Variants in RTP2 observed in about 807,000 individuals in gnomAD.
The protein encoded by RTP2 is receptor transporter protein 2.
RTP2 carries 12 observed loss-of-function variants against 17.9 expected under a neutral mutation model. The ratio of observed to expected loss-of-function variants is 0.67; its 90% CI spans 0.43 to 1.09. The LOEUF is 1.09. RTP2 is among the 50% of genes least tolerant of loss of function. The pLI, the probability that RTP2 is intolerant of heterozygous loss-of-function variation, is 0.00. For synonymous variants in RTP2, 126 were observed against 117.7 expected (o/e 1.07, Z -0.46); for missense variants, 327 against 295.7 (o/e 1.11, Z -0.78).
chr3:187,699,064 C>T (rs949933924), intron 1 of RTP2, 53 bp from the exon 2 acceptor site: 3 of 1,518,064 alleles, frequency 2.0e-6, no homozygotes, highest in South Asian at 2.6e-5. Context: ...GAGAAGCCTG[C>T]CCTGAGAAGC....
At chr3:187,714,072 C>A in the RTP2 span, among the ~76,000 whole-genome samples, 35 of 152,312 alleles carry the variant, frequency 2.3e-4, no homozygotes, top group African/African-American at 8.2e-4. Flanking sequence ...CTTAGGCTCT[C>A]CTCTCCGAAC....
chr3:187,705,343 C>A (rs953940394), upstream of RTP2, among the ~76,000 whole-genome samples: 2 of 152,082 alleles, frequency 1.3e-5, no homozygotes, highest in African/African-American at 2.4e-5. Context: ...GCTCAACACA[C>A]ACAAAAATAG....
chr3:187,714,683 G>T, the RTP2 span, among the ~76,000 whole-genome samples: 512 of 152,264 alleles, frequency 3.4e-3, 3 homozygotes, highest in African/African-American at 0.012. Flanking sequence ...CCTTTGCTCC[G>T]TCACTCAACA....
upstream of RTP2, among the ~76,000 whole-genome samples, chr3:187,702,717 C>G (rs1392611015): frequency 6.6e-6 from 1 of 152,218 alleles, no homozygotes; most frequent in Non-Finnish European, 1.5e-5. Context: ...TATGCAACCC[C>G]TAAGTGGCTC....
chr3:187,699,762 CACACACACACACACACACACATA>C (rs1717795876), intron 1 of RTP2, among the ~76,000 whole-genome samples: 1 of 69,090 alleles, frequency 1.4e-5, no homozygotes, highest in African/African-American at 5.9e-5. Flanking sequence ...CACACACACA[CACACACACACACACACACACATA>C]TATTTTCTCT....
chr3:187,704,527 TG>T (rs1717942220), upstream of RTP2, among the ~76,000 whole-genome samples: 1 of 152,166 alleles, frequency 6.6e-6, no homozygotes, highest in African/African-American at 2.4e-5. Flanking sequence ...TGATGGGATA[TG>T]TTGTCCCACA....
chr3:187,702,894 A>G (rs1248634025), upstream of RTP2, among the ~76,000 whole-genome samples: 2 of 152,218 alleles, frequency 1.3e-5, no homozygotes, highest in Non-Finnish European at 2.9e-5. Flanking sequence ...CATGCAAAGC[A>G]CAGTAATAAC....
At chr3:187,707,382 C>T (rs1718018903), upstream of RTP2, among the ~76,000 whole-genome samples, 1 of 152,146 alleles carries the variant, frequency 6.6e-6, no homozygotes, top group Non-Finnish European at 1.5e-5. Flanking sequence ...CATGCATTGT[C>T]ACAGCAGGTA....
the RTP2 span, among the ~76,000 whole-genome samples, chr3:187,708,830 G>T: frequency 6.6e-6 from 1 of 152,166 alleles, no homozygotes; most frequent in Non-Finnish European, 1.5e-5. Flanking sequence ...AGGAAACTGG[G>T]ACTCAGAAAG....
chr3:187,702,388 G>T (rs568615108), exon 1 of RTP2: 26 of 550,866 alleles, frequency 4.7e-5, no homozygotes, highest in East Asian at 4.7e-4. Flanking sequence ...CAGAGGCAGC[G>T]CTGGGTAGGC....
upstream of RTP2, among the ~76,000 whole-genome samples, chr3:187,704,526 A>G (rs1213298489): frequency 6.6e-6 from 1 of 152,182 alleles, no homozygotes; most frequent in Non-Finnish European, 1.5e-5. Flanking sequence ...CTGATGGGAT[A>G]TGTTGTCCCA....
At chr3:187,702,566 G>A (rs748635915), upstream of RTP2, 2 of 457,258 alleles carry the variant, frequency 4.4e-6, no homozygotes, top group Admixed American at 4.7e-5. Flanking sequence ...AGGAAGTCAA[G>A]GAGAAATGAG....
the RTP2 span, among the ~76,000 whole-genome samples, chr3:187,713,952 G>A: frequency 8.5e-5 from 13 of 152,172 alleles, no homozygotes; most frequent in African/African-American, 3.1e-4. Context: ...GTACCTTTTT[G>A]TTAATTCAAC....
chr3:187,704,563 A>C (rs1328751608), upstream of RTP2, among the ~76,000 whole-genome samples: 1 of 152,184 alleles, frequency 6.6e-6, no homozygotes. Flanking sequence ...AAAAATGAAA[A>C]ACAAAAAAAG....
exon 2 of RTP2, chr3:187,698,647 TCAC>T (rs1482174049): frequency 6.2e-7 from 1 of 1,614,118 alleles, no homozygotes; most frequent in Non-Finnish European, 8.5e-7. Context: ...GTGTAGGTGG[TCAC>T]CTCCTCCTCC....
chr3:187,702,535 C>G, exon 1 of RTP2: 1 of 459,424 alleles, frequency 2.2e-6, no homozygotes. Flanking sequence ...ACATCATGTG[C>G]TATGGTAAGT....
chr3:187,698,629 C>T, exon 2 of RTP2: 1 of 1,614,250 alleles, frequency 6.2e-7, no homozygotes, highest in South Asian at 1.1e-5. Flanking sequence ...GGCTTGGAGG[C>T]TTCAGAGGTG....
the RTP2 span, among the ~76,000 whole-genome samples, chr3:187,712,949 C>G: frequency 1.4e-4 from 21 of 152,206 alleles, no homozygotes; most frequent in Admixed American, 1.3e-3. Flanking sequence ...TGGTCAACAG[C>G]AGAGCCTGGT....
chr3:187,706,629 G>C (rs1717998061), upstream of RTP2, among the ~76,000 whole-genome samples: 1 of 152,066 alleles, frequency 6.6e-6, no homozygotes, highest in Non-Finnish European at 1.5e-5. Context: ...TCTTGGGACA[G>C]TCTCACTACG....
Sources: gnomAD v4.1 joint callset for allele counts (sites outside exome capture counted in the v4.1 genomes callset) on GRCh38, gnomAD v4.1.1 for gene constraint, MANE v1.5 for transcripts, NCBI Gene and HGNC (gene_info 2026-07-23, HGNC 2026-07-21) for gene names.